DSCAM: variants seen among roughly 807,000 people sequenced by gnomAD.
The protein encoded by DSCAM is cell adhesion molecule DSCAM.
Under a neutral mutation model 217.7 loss-of-function variants are expected in DSCAM, and 47 were observed. The observed-to-expected ratio is 0.22, with a 90% CI of 0.17 to 0.28. DSCAM has a LOEUF of 0.28. DSCAM is among the 10% of genes least tolerant of loss of function. The probability of loss-of-function intolerance (pLI) is 1.00; values close to 1 mark genes in which losing one functional copy is unlikely to be tolerated. For synonymous variants in DSCAM, 1,056 were observed against 1,015.3 expected (o/e 1.04, Z -0.76); for missense variants, 2,080 against 2,618.3 (o/e 0.79, Z 4.49).
chr21:40,062,996 C>T, intron 27 of DSCAM, 97 bp from the exon 28 acceptor site: 2 of 1,075,510 alleles, frequency 1.9e-6, no homozygotes, highest in African/African-American at 3.3e-5. Context: ...TCAGAACAGT[C>T]ATTTTGAAAC....
intron 1 of DSCAM, among the ~76,000 whole-genome samples, chr21:40,754,425 G>A (rs1180795682): frequency 1.3e-5 from 2 of 152,238 alleles, no homozygotes; most frequent in African/African-American, 4.8e-5. Context: ...AGGCAGGAAA[G>A]GAGGCAAGTG....
intron 3 of DSCAM, among the ~76,000 whole-genome samples, chr21:40,647,379 G>C (rs974775050): frequency 2.0e-5 from 3 of 152,018 alleles, no homozygotes; most frequent in Non-Finnish European, 4.4e-5. Flanking sequence ...ATTATAAATA[G>C]CCCATTAAAT....
intron 3 of DSCAM, among the ~76,000 whole-genome samples, chr21:40,450,098 C>T (rs538483385): frequency 6.6e-6 from 1 of 152,160 alleles, no homozygotes; most frequent in African/African-American, 2.4e-5. Flanking sequence ...AGTGAAAAGT[C>T]TTAGAAAGCT....
At chr21:40,723,065 A>T (rs1351788204) in intron 1 of DSCAM, among the ~76,000 whole-genome samples, 4 of 151,714 alleles carry the variant, frequency 2.6e-5, no homozygotes, top group Non-Finnish European at 5.9e-5. Context: ...CCAAAAGGAG[A>T]ACTGAGAGCT....
At chr21:40,743,773 T>G (rs1218794334) in intron 1 of DSCAM, among the ~76,000 whole-genome samples, 1 of 152,210 alleles carries the variant, frequency 6.6e-6, no homozygotes, top group Non-Finnish European at 1.5e-5. Context: ...AAAATTTTTC[T>G]TTGTTCTCAT....
At position 40,802,055 on chromosome 21, in the gene DSCAM, G is replaced by A. The variant is rs766774496; in HGVS notation, c.43+44564C>T. Among the ~76,000 whole-genome samples, 6 of 152,250 alleles carry A rather than the reference G, an allele frequency of 3.9e-5. No individual in the cohort carries two copies. In the South Asian group the frequency reaches 8.3e-4, roughly 21 times the overall value. On this transcript the variant is annotated intron_variant, in intron 1 of 32. Coordinates refer to ENST00000400454, the MANE Select transcript of DSCAM (RefSeq NM_001389.5). ...GTCACCAGTAGCATGCAATGCCCAC[G>A]TTGGACAGCTTCAGGGACCAGACTT...
intron 1 of DSCAM, among the ~76,000 whole-genome samples, chr21:40,839,929 C>T (rs1274543155): frequency 6.6e-6 from 1 of 152,162 alleles, no homozygotes; most frequent in Non-Finnish European, 1.5e-5. Flanking sequence ...TGACATATAT[C>T]TTCTCAATCC....
intron 11 of DSCAM, among the ~76,000 whole-genome samples, chr21:40,195,818 C>A (rs2091001727): frequency 6.6e-6 from 1 of 152,134 alleles, no homozygotes; most frequent in African/African-American, 2.4e-5. Flanking sequence ...GCTATTTTTT[C>A]AAGTCCCTTT....
chr21:40,072,484 C>A (rs1218070967), intron 27 of DSCAM, among the ~76,000 whole-genome samples: 1 of 151,854 alleles, frequency 6.6e-6, no homozygotes, highest in Non-Finnish European at 1.5e-5. Context: ...GTAGTTGGGA[C>A]TACAGGCGCC....
chr21:40,329,673 T>G (rs1054981891), intron 8 of DSCAM, among the ~76,000 whole-genome samples: 3 of 150,486 alleles, frequency 2.0e-5, no homozygotes, highest in Non-Finnish European at 3.0e-5. Context: ...AAATAAAAAA[T>G]AAAATAAGGA....
Position 40,014,530 on chromosome 21 carries a change from C to T in DSCAM, c.5687-1144G>A, listed in dbSNP as rs114999726. Among the ~76,000 whole-genome samples the T allele has an allele frequency of 8.2e-3, 1,243 of 152,280 alleles. 13 individuals carry two copies. Among genetic ancestry groups the T allele is most frequent in the African/African-American group, 0.027 (1,112 of 41,554 alleles). On this transcript the variant is annotated intron_variant, in intron 32 of 32. Coordinates refer to ENST00000400454, the MANE Select transcript of DSCAM (RefSeq NM_001389.5). Reference sequence around the variant, plus strand: ...AGCGTGACAGGGCTTTTCTCATGGCCGTCCCCGCCCGATGCAGGATCTCCC... The same window carrying T: ...AGCGTGACAGGGCTTTTCTCATGGCTGTCCCCGCCCGATGCAGGATCTCCC...
At chr21:40,676,147 C>T (rs1601841306) in intron 3 of DSCAM, among the ~76,000 whole-genome samples, 1 of 152,016 alleles carries the variant, frequency 6.6e-6, no homozygotes, top group Non-Finnish European at 1.5e-5. Flanking sequence ...TCCTTACTAG[C>T]AAGAAAAGCT....
chr21:40,481,157 C>T (rs1281317419), intron 3 of DSCAM, among the ~76,000 whole-genome samples: 1 of 152,156 alleles, frequency 6.6e-6, no homozygotes, highest in Non-Finnish European at 1.5e-5. Flanking sequence ...TTTCCCCCAA[C>T]AGAAGCTCCC....
chr21:40,689,030 A>G (rs1185680126), intron 3 of DSCAM, among the ~76,000 whole-genome samples: 1 of 152,192 alleles, frequency 6.6e-6, no homozygotes, highest in African/African-American at 2.4e-5. Context: ...AAGCTCCCAA[A>G]AGGAACCATG....
chr21:40,289,873 T>C (rs1175175750), intron 10 of DSCAM, among the ~76,000 whole-genome samples: 7 of 152,072 alleles, frequency 4.6e-5, no homozygotes, highest in Non-Finnish European at 8.8e-5. Context: ...TATTACGACT[T>C]AGATGAAGAC....
chr21:40,817,013 T>G (rs113605555), intron 1 of DSCAM, among the ~76,000 whole-genome samples: 319 of 152,276 alleles, frequency 2.1e-3, no homozygotes, highest in African/African-American at 7.2e-3. Context: ...ACCTCTTCAA[T>G]AGGTAAGGAT....
At chr21:40,297,002 C>T (rs1173631435) in intron 9 of DSCAM, among the ~76,000 whole-genome samples, 1 of 152,034 alleles carries the variant, frequency 6.6e-6, no homozygotes, top group Non-Finnish European at 1.5e-5. Flanking sequence ...TAAAGGCAAT[C>T]GAGAATACAA....
chr21:40,471,424 C>T (rs1046416627), intron 3 of DSCAM, among the ~76,000 whole-genome samples: 21 of 152,180 alleles, frequency 1.4e-4, no homozygotes, highest in Non-Finnish European at 2.1e-4. Flanking sequence ...ATCTTAGGTG[C>T]AGCAATTTTA....
At position 40,160,344 on chromosome 21, in the gene DSCAM, T is replaced by C. The variant is rs747043375; in HGVS notation, c.3018+6874A>G. Among the ~76,000 whole-genome samples the C allele has an allele frequency of 1.3e-5, 2 of 152,382 alleles. 1 individual carries two copies. The highest frequency in any genetic ancestry group is 2.9e-5 in the Non-Finnish European group (2 of 68,044). On this transcript the variant is annotated intron_variant, in intron 16 of 32. Transcript: ENST00000400454. The stretch of plus-strand genomic sequence containing the variant: ...ATCCAGTACTTTTTACACTGTATTC[T>C]AATTATATATAATTTACTTGTTGGA...
Sources: allele counts gnomAD v4.1 joint callset (sites outside exome capture counted in the v4.1 genomes callset), GRCh38; gene constraint gnomAD v4.1.1; transcripts MANE v1.5; gene names NCBI Gene and HGNC (gene_info 2026-07-23, HGNC 2026-07-21).